The following TENM2 variants were observed in gnomAD, a reference collection of about 807,000 sequenced individuals.
The protein encoded by TENM2 is teneurin transmembrane protein 2.
In TENM2, 52 loss-of-function variants were observed where a neutral mutation model predicts 245.2. That is an observed-to-expected ratio of 0.21 (90% CI 0.17 to 0.27). The LOEUF (loss-of-function observed/expected upper bound fraction) is 0.27. Ranked by LOEUF, TENM2 falls within the 10% of genes least tolerant of loss-of-function variation. The pLI, the probability that TENM2 is intolerant of heterozygous loss-of-function variation, is 1.00. For missense variants in TENM2, 3,046 were observed against 3,666.8 expected (o/e 0.83, Z 4.37); for synonymous variants, 1,363 against 1,438.9 (o/e 0.95, Z 1.19).
At chr5:168,190,455 G>C (rs1461907050) in exon 14 of TENM2, 1 of 1,613,990 alleles carries the variant, frequency 6.2e-7, no homozygotes, top group South Asian at 1.1e-5. Flanking sequence ...AGACGGATTG[G>C]CCCGCAGTGA....
chr5:167,755,149 G>A (rs775789348), intron 2 of TENM2: 4 of 1,599,166 alleles, frequency 2.5e-6, no homozygotes, highest in Non-Finnish European at 2.5e-6. Flanking sequence ...CCTCACCTCA[G>A]TCTGTGAGTT....
chr5:168,074,576 G>A (rs974515312), intron 7 of TENM2, among the ~76,000 whole-genome samples: 6 of 144,610 alleles, frequency 4.1e-5, no homozygotes, highest in South Asian at 2.4e-4. Flanking sequence ...GCCGTCCACC[G>A]TAGGTGTTCA....
At chr5:168,096,392 C>T (rs1221481278) in intron 8 of TENM2, among the ~76,000 whole-genome samples, 1 of 152,218 alleles carries the variant, frequency 6.6e-6, no homozygotes, top group African/African-American at 2.4e-5. Context: ...GACATTTACA[C>T]AGCCAACCTC....
intron 2 of TENM2, among the ~76,000 whole-genome samples, chr5:167,513,722 A>G (rs1770126098): frequency 6.6e-6 from 1 of 152,134 alleles, no homozygotes; most frequent in South Asian, 2.1e-4. Flanking sequence ...ATTTCTCTAT[A>G]TCCATCCAGC....
At chr5:167,982,670 T>C (rs923496112) in intron 4 of TENM2, among the ~76,000 whole-genome samples, 6 of 152,072 alleles carry the variant, frequency 3.9e-5, no homozygotes, top group African/African-American at 1.4e-4. Context: ...TGAGTCCAGG[T>C]GCACCTGGCT....
intron 5 of TENM2, among the ~76,000 whole-genome samples, chr5:168,043,414 G>A (rs568036146): frequency 1.3e-5 from 2 of 152,238 alleles, no homozygotes; most frequent in East Asian, 3.9e-4. Flanking sequence ...GGTTCTGAGA[G>A]TAAATTAAAA....
the TENM2 span, among the ~76,000 whole-genome samples, chr5:167,189,221 T>C: frequency 1.6e-4 from 25 of 152,298 alleles, 1 homozygote; most frequent in African/African-American, 5.8e-4. Flanking sequence ...TTTAAACTAC[T>C]GTAGTTATAG....
At chr5:167,891,116 T>G (rs1774719799) in intron 3 of TENM2, among the ~76,000 whole-genome samples, 2 of 152,120 alleles carry the variant, frequency 1.3e-5, no homozygotes, top group Admixed American at 6.5e-5. Context: ...TCACATGTAT[T>G]TAAAAAAAAT....
intron 2 of TENM2, among the ~76,000 whole-genome samples, chr5:167,464,957 G>T (rs1766549408): frequency 6.6e-6 from 1 of 152,128 alleles, no homozygotes; most frequent in African/African-American, 2.4e-5. Context: ...CTAACTTATG[G>T]TCCATAACTT....
In TENM2 at chr5:167,872,779, C is replaced by A. The variant is rs186492429; in HGVS notation, c.503-3207C>A. 3.5e-3 allele frequency among the ~76,000 whole-genome samples: 534 copies of A among 152,330 alleles called. 2 individuals are homozygous for A. The highest frequency in any genetic ancestry group is 5.6e-3 in the Non-Finnish European group (378 of 68,022). ...CAATGCTTTCATTGTGTTATGACTG[C>A]TCTTCTATTGTCTGTATTTGTATAA... On this transcript the variant is annotated intron_variant, in intron 2 of 28. Transcript: ENST00000518659.
the TENM2 span, among the ~76,000 whole-genome samples, chr5:167,203,375 A>G: frequency 2.0e-5 from 3 of 152,106 alleles, no homozygotes; most frequent in Admixed American, 6.5e-5. Flanking sequence ...CTCTCCGACC[A>G]CATACTCTCT....
intron 4 of TENM2, among the ~76,000 whole-genome samples, chr5:167,972,848 T>G (rs1192429300): frequency 1.3e-5 from 2 of 152,188 alleles, no homozygotes; most frequent in Non-Finnish European, 2.9e-5. Context: ...ATACCTCTTC[T>G]TAATGCCAGA....
chr5:167,372,224 G>A (rs928353604), intron 1 of TENM2, among the ~76,000 whole-genome samples: 1 of 151,862 alleles, frequency 6.6e-6, no homozygotes, highest in Non-Finnish European at 1.5e-5. Flanking sequence ...TTTGTGGCTC[G>A]GGGGCTATAA....
intron 2 of TENM2, among the ~76,000 whole-genome samples, chr5:167,593,160 T>C (rs1775987403): frequency 6.6e-6 from 1 of 152,224 alleles, no homozygotes. Context: ...CAGATAAAGA[T>C]AGATACAGCT....
At chr5:167,146,581 G>C in the TENM2 span, among the ~76,000 whole-genome samples, 2 of 152,138 alleles carry the variant, frequency 1.3e-5, no homozygotes, top group South Asian at 4.1e-4. Context: ...TGAATGAGGG[G>C]AACGATCCAA....
intron 1 of TENM2, among the ~76,000 whole-genome samples, chr5:167,370,256 G>A (rs1012109614): frequency 6.7e-6 from 1 of 149,588 alleles, no homozygotes; most frequent in Non-Finnish European, 1.5e-5. Flanking sequence ...GCAGGAGAAT[G>A]GCGTGAACCC....
At position 167,580,483 on chromosome 5, in the gene TENM2, A is replaced by G. The variant is rs576549269; in HGVS notation, c.502+205010A>G. ...CATTTTAGTCATTAACTGGGTGCCA[A>G]TCAGTCCTTGATAAGTTATTTATTT... On this transcript the variant is annotated intron_variant, in intron 2 of 28. Coordinates refer to ENST00000518659, the Ensembl canonical transcript of TENM2. Among the ~76,000 whole-genome samples the G allele has an allele frequency of 1.6e-3, 241 of 152,320 alleles. 2 individuals are homozygous for G. Among genetic ancestry groups the G allele is most frequent in the African/African-American group, 5.6e-3 (231 of 41,576 alleles).
chr5:167,840,982 G>A lies in TENM2; in HGVS notation c.503-35004G>A, dbSNP rs552507447. Among the ~76,000 whole-genome samples the A allele has an allele frequency of 4.3e-4, 66 of 152,134 alleles. 1 individual carries two copies. The highest frequency in any genetic ancestry group is 1.2e-3 in the African/African-American group (48 of 41,492). On this transcript the variant is annotated intron_variant, in intron 2 of 28. Coordinates refer to ENST00000518659, the Ensembl canonical transcript of TENM2. ...TTTCACACAACACACCCAATTTGTC[G>A]GAGCAACCACATGCCATCTAGGCAG...
At chr5:167,127,735 T>C in the TENM2 span, among the ~76,000 whole-genome samples, 70 of 151,860 alleles carry the variant, frequency 4.6e-4, no homozygotes, top group Admixed American at 2.1e-3. Context: ...TGCTGTGAAA[T>C]GTTGGATGCT....
Sources: gnomAD v4.1 joint callset for allele counts (sites outside exome capture counted in the v4.1 genomes callset) on GRCh38, gnomAD v4.1.1 for gene constraint, MANE v1.5 for transcripts, NCBI Gene and HGNC (gene_info 2026-07-23, HGNC 2026-07-21) for gene names.